Variants in ADAMTS19 observed in about 807,000 individuals in gnomAD.
ADAMTS19 encodes the protein ADAM metallopeptidase with thrombospondin type 1 motif 19.
A neutral mutation model predicts 153.3 loss-of-function variants in ADAMTS19; 93 were observed. That is an observed-to-expected ratio of 0.61 (90% CI 0.51 to 0.72). The LOEUF is 0.72. ADAMTS19 is among the 30% of genes least tolerant of loss of function. ADAMTS19 has a pLI of 0.00. For synonymous variants in ADAMTS19, 600 were observed against 556.6 expected, an observed-to-expected ratio of 1.08 and a Z score of -1.10; for missense variants, 1,482 against 1,552.1, an observed-to-expected ratio of 0.95 and a Z score of 0.76.
chr5:129,664,289 A>G (rs439604), intron 15 of ADAMTS19, among the ~76,000 whole-genome samples: 18,854 of 152,134 alleles, frequency 0.12, 1,377 homozygotes, highest in East Asian at 0.3. Context: ...TTCCAGTTCA[A>G]TTATAAGCTC....
intron 9 of ADAMTS19, 141 bp from the exon 10 acceptor site, chr5:129,622,057 G>A: frequency 1.3e-6 from 1 of 795,786 alleles, no homozygotes; most frequent in South Asian, 1.8e-5. Flanking sequence ...TTGACATATA[G>A]AATAATTTCT....
At position 129,461,123 on chromosome 5, in the gene ADAMTS19, G is replaced by A; in HGVS notation, c.113G>A (p.Arg38His). ...GCAGAGCTGCAGTTCGCCCCCGACC[G>A]CGAGGAGTGGGAAGTCGTGTTTCCT... The part of the protein sequence containing the change: ...IVSELQFAPD[R>H]EEWEVVFPAL... Residue 38 changes from arginine to histidine, a missense_variant, in exon 2 of 23, where the codon CGC (arginine) becomes CAC (histidine). Physicochemically the swap from Arg to His is conservative, Grantham distance 29 (BLOSUM62 0). Coordinates refer to ENST00000274487, the MANE Select transcript of ADAMTS19 (RefSeq NM_133638.6). The surrounding 1 kb of genome is among the most constrained non-coding windows in gnomAD (Gnocchi z 4.6). 2 of 1,420,054 alleles carry A rather than the reference G, an allele frequency of 1.4e-6. No individual in the cohort carries two copies. The highest frequency in any genetic ancestry group is 3.0e-5 in the South Asian group (2 of 67,460). The allele number at this position is 1,420,054 out of a possible 1,614,324, so 88.0% of individuals were successfully genotyped here.
intron 2 of ADAMTS19, among the ~76,000 whole-genome samples, chr5:129,484,774 G>A (rs1750537597): frequency 6.6e-6 from 1 of 152,040 alleles, no homozygotes; most frequent in South Asian, 2.1e-4. Flanking sequence ...ATAGCTATCA[G>A]TAAGATTTTG....
At chr5:129,524,088 C>T (rs929606769) in intron 3 of ADAMTS19, among the ~76,000 whole-genome samples, 17 of 152,118 alleles carry the variant, frequency 1.1e-4, no homozygotes, top group African/African-American at 4.1e-4. Flanking sequence ...ACCAAAATAG[C>T]ATGGTACTGG....
At chr5:129,700,979 C>T in intron 19 of ADAMTS19, among the ~76,000 whole-genome samples, 1 of 151,858 alleles carries the variant, frequency 6.6e-6, no homozygotes, top group East Asian at 1.9e-4. Context: ...TAGTGATACG[C>T]TTTGACTGTG....
At chr5:129,645,949 C>G (rs549837258) in intron 11 of ADAMTS19, among the ~76,000 whole-genome samples, 1 of 129,706 alleles carries the variant, frequency 7.7e-6, no homozygotes, top group African/African-American at 3.0e-5. Context: ...AGTGCAGTGG[C>G]GGGATCTCGG....
At chr5:129,672,809 TACAC>T (rs35764527) in intron 16 of ADAMTS19, among the ~76,000 whole-genome samples, 113,955 of 150,064 alleles carry the variant, frequency 0.76, 43,296 homozygotes, top group Non-Finnish European at 0.8. Flanking sequence ...AGTCCAAATC[TACAC>T]ACACACACAC....
At chr5:129,677,893 A>C (rs943191315) in intron 16 of ADAMTS19, among the ~76,000 whole-genome samples, 3 of 151,722 alleles carry the variant, frequency 2.0e-5, no homozygotes, top group Non-Finnish European at 4.4e-5. Flanking sequence ...GCTCACTGCA[A>C]CCTCCACCTC....
chr5:129,512,356 T>C (rs1037466119), intron 3 of ADAMTS19, among the ~76,000 whole-genome samples: 1 of 152,078 alleles, frequency 6.6e-6, no homozygotes, highest in Non-Finnish European at 1.5e-5. Context: ...CACTGAGTAC[T>C]GGTGAATAAT....
intron 7 of ADAMTS19, among the ~76,000 whole-genome samples, chr5:129,579,020 G>T (rs1172707152): frequency 1.3e-5 from 2 of 152,156 alleles, no homozygotes; most frequent in Non-Finnish European, 2.9e-5. Context: ...TTGCCACACT[G>T]TCTTCCACAA....
intron 10 of ADAMTS19, among the ~76,000 whole-genome samples, chr5:129,629,698 A>G (rs529950369): frequency 6.6e-6 from 1 of 152,244 alleles, no homozygotes; most frequent in East Asian, 1.9e-4. Flanking sequence ...ACTCTTCTGC[A>G]TAAATTTGCA....
At chr5:129,683,893 AAGTACGAAGCTCC>A (rs1342530275) in intron 17 of ADAMTS19, among the ~76,000 whole-genome samples, 3 of 150,806 alleles carry the variant, frequency 2.0e-5, no homozygotes, top group Non-Finnish European at 4.4e-5. Flanking sequence ...GCATGAAGGT[AAGTACGAAGCTCC>A]AGTCTTTTCA....
intron 21 of ADAMTS19, among the ~76,000 whole-genome samples, chr5:129,716,512 T>C (rs1756737452): frequency 6.6e-6 from 1 of 151,700 alleles, no homozygotes; most frequent in Non-Finnish European, 1.5e-5. Context: ...CTTTAAAATA[T>C]ACATATTTAA....
chr5:129,608,600 A>G (rs1751043653), intron 8 of ADAMTS19, among the ~76,000 whole-genome samples: 1 of 152,238 alleles, frequency 6.6e-6, no homozygotes. Context: ...CTCTAAGAGG[A>G]GATTAGATAT....
Position 129,622,338 on chromosome 5 carries a change from A to C in ADAMTS19, c.1760A>C (p.Gln587Pro), listed in dbSNP as rs200582054. 6.2e-7 allele frequency: 1 copy of C among 1,613,986 alleles called. No homozygotes were observed. The highest frequency in any genetic ancestry group is 1.3e-5 in the African/African-American group (1 of 75,030). Reference protein sequence around the residue: ...ILFGPLASFCQEMQHVICTGL... With the variant: ...ILFGPLASFCPEMQHVICTGL... ...TTTGGGCCATTGGCTTCTTTTTGTCAGGAGATGCAGGTAAAGATCCAGGTG... is the reference window on the plus strand; with the variant it reads ...TTTGGGCCATTGGCTTCTTTTTGTCCGGAGATGCAGGTAAAGATCCAGGTG... Residue 587 changes from glutamine (Q) to proline (P), a missense_variant, in exon 10 of 23, where the codon CAG (glutamine) becomes CCG (proline). Gln to Pro is a moderately conservative substitution (Grantham distance 76). Coordinates refer to ENST00000274487, the MANE Select transcript of ADAMTS19 (RefSeq NM_133638.6).
At chr5:129,659,057 T>C (rs1053461023) in intron 15 of ADAMTS19, among the ~76,000 whole-genome samples, 3 of 152,210 alleles carry the variant, frequency 2.0e-5, no homozygotes, top group African/African-American at 7.2e-5. Context: ...TGATGTCTAC[T>C]GGAAAATAAT....
At chr5:129,643,383 A>AAAAAAAAAAAAAG in intron 11 of ADAMTS19, among the ~76,000 whole-genome samples, 1 of 108,364 alleles carries the variant, frequency 9.2e-6, no homozygotes, top group African/African-American at 3.7e-5. Flanking sequence ...AAAAAAAAAA[A>AAAAAAAAAAAAAG]AAAGAAAAAA....
intron 18 of ADAMTS19, among the ~76,000 whole-genome samples, chr5:129,685,448 A>T (rs576155107): frequency 1.6e-4 from 24 of 152,148 alleles, no homozygotes; most frequent in Non-Finnish European, 3.2e-4. Flanking sequence ...GGGAATGATC[A>T]ACTGTATCAA....
At chr5:129,598,490 A>G (rs1297601893) in intron 8 of ADAMTS19, among the ~76,000 whole-genome samples, 2 of 152,244 alleles carry the variant, frequency 1.3e-5, no homozygotes, top group East Asian at 1.9e-4. Flanking sequence ...GTAATTACAC[A>G]GCTCACTGAA....
Sources: gnomAD v4.1 joint callset for allele counts (sites outside exome capture counted in the v4.1 genomes callset) on GRCh38, gnomAD v4.1.1 for gene constraint, Gnocchi (gnomAD v3.1) non-coding constraint, MANE v1.5 for transcripts, NCBI Gene and HGNC (gene_info 2026-07-23, HGNC 2026-07-21) for gene names.